FTO: variants seen among roughly 807,000 people sequenced by gnomAD.
FTO encodes alpha-ketoglutarate-dependent dioxygenase FTO.
In FTO, 47 loss-of-function variants were observed where a neutral mutation model predicts 63.9. That is an observed-to-expected ratio of 0.74 (90% confidence interval 0.58 to 0.94). The LOEUF (loss-of-function observed/expected upper bound fraction) is 0.94. Ranked by LOEUF, FTO falls within the 40% of genes least tolerant of loss-of-function variation. FTO has a pLI of 0.00. For synonymous variants in FTO, 207 were observed against 224.4 expected, an observed-to-expected ratio of 0.92 and a Z score of 0.69; for missense variants, 562 against 618.1, an observed-to-expected ratio of 0.91 and a Z score of 0.96.
chr16:53,974,055 T>C (rs929628626), intron 8 of FTO, among the ~76,000 whole-genome samples: 1 of 152,206 alleles, frequency 6.6e-6, no homozygotes, highest in Non-Finnish European at 1.5e-5. Flanking sequence ...TGTAGATTTA[T>C]GGGCCCTGCT....
intron 8 of FTO, among the ~76,000 whole-genome samples, chr16:54,031,575 A>G (rs2084833516): frequency 6.6e-6 from 1 of 152,168 alleles, no homozygotes; most frequent in Admixed American, 6.6e-5. Flanking sequence ...TGGGTCACAG[A>G]TCTGGGTGGC....
chr16:53,976,500 A>G (rs2083441153), intron 8 of FTO, among the ~76,000 whole-genome samples: 1 of 151,980 alleles, frequency 6.6e-6, no homozygotes, highest in African/African-American at 2.4e-5. Flanking sequence ...GTTTTTAGAT[A>G]TTATAGGGCC....
chr16:54,060,251 C>T (rs2085538374), intron 8 of FTO, among the ~76,000 whole-genome samples: 1 of 152,188 alleles, frequency 6.6e-6, no homozygotes, highest in South Asian at 2.1e-4. Context: ...TTTAACTCTC[C>T]TCTTTTCAAA....
intron 8 of FTO, among the ~76,000 whole-genome samples, chr16:53,996,763 G>A (rs1328109253): frequency 2.0e-5 from 3 of 152,062 alleles, no homozygotes; most frequent in Non-Finnish European, 4.4e-5. Context: ...TCTTCACATG[G>A]TGGCAGCAAG....
Position 53,844,284 on chromosome 16 carries a change from G to A in FTO, c.881G>A (p.Cys294Tyr), listed in dbSNP as rs1480708197. Residue 294 changes from cysteine (C) to tyrosine (Y), a missense_variant, in exon 4 of 9, where the codon TGC becomes TAC. Physicochemically the swap from Cys to Tyr is radical, Grantham distance 194. Coordinates refer to ENST00000471389, the MANE Select transcript of FTO (RefSeq NM_001080432.3). ...GLAIPLHQGD[C>Y]YFMLDDLNAT... is the part of the protein sequence containing the mutation. ...GCGATACCCCTTCACCAAGGAGACTGCTATTTCATGCTTGGTAATCTTTGG... is the reference window on the plus strand; with the variant it reads ...GCGATACCCCTTCACCAAGGAGACTACTATTTCATGCTTGGTAATCTTTGG... 2 of 1,612,734 alleles carry A rather than the reference G, an allele frequency of 1.2e-6. No individual in the cohort carries two copies. The highest frequency in any genetic ancestry group is 1.7e-6 in the Non-Finnish European group (2 of 1,178,964).
intron 7 of FTO, among the ~76,000 whole-genome samples, chr16:53,913,425 C>T (rs1256843368): frequency 6.6e-6 from 1 of 152,112 alleles, no homozygotes; most frequent in African/African-American, 2.4e-5. Flanking sequence ...AAGGAAAAAC[C>T]CTGGAGCATG....
At chr16:53,913,664 C>T (rs983021203) in intron 7 of FTO, among the ~76,000 whole-genome samples, 8 of 152,056 alleles carry the variant, frequency 5.3e-5, no homozygotes, top group Non-Finnish European at 8.8e-5. Context: ...CTGGGGTAGG[C>T]GGCCATGGTT....
Position 53,813,259 on chromosome 16 carries a change from T to C in FTO, c.123+3042T>C, listed in dbSNP as rs192154148. 3.3e-3 allele frequency among the ~76,000 whole-genome samples: 508 copies of C among 152,040 alleles called. 2 individuals carry two copies. The highest frequency in any genetic ancestry group is 0.012 in the African/African-American group (485 of 41,456). On this transcript the variant is annotated intron_variant, in intron 2 of 8. Transcript: ENST00000471389. ...CAGCATCTCACTCTGTTGCCCAGGC[T>C]GGAGTGCAGTGGTGCAATATCAGCT...
chr16:54,067,422 G>A (rs999944875), intron 8 of FTO, among the ~76,000 whole-genome samples: 1 of 152,268 alleles, frequency 6.6e-6, no homozygotes, highest in South Asian at 2.1e-4. Flanking sequence ...TAATTATAGC[G>A]ATTTCCTAAA....
At chr16:53,801,711 C>G (rs1220356465) in intron 1 of FTO, among the ~76,000 whole-genome samples, 1 of 148,612 alleles carries the variant, frequency 6.7e-6, no homozygotes, top group East Asian at 1.9e-4. Context: ...TGTCTTCTGT[C>G]TTCCGGCAAC....
chr16:53,881,605 T>C (rs1293963508), intron 6 of FTO, among the ~76,000 whole-genome samples: 2 of 152,218 alleles, frequency 1.3e-5, no homozygotes, highest in Non-Finnish European at 2.9e-5. Flanking sequence ...TTTTCACTGA[T>C]GAAATCAGTT....
chr16:53,705,987 G>A (rs1035651818), intron 1 of FTO, among the ~76,000 whole-genome samples: 1 of 152,180 alleles, frequency 6.6e-6, no homozygotes, highest in Non-Finnish European at 1.5e-5. Context: ...TTTAGAAACT[G>A]AGACTTGTAG....
At chr16:53,801,663 C>A (rs1270033962) in intron 1 of FTO, among the ~76,000 whole-genome samples, 1 of 150,276 alleles carries the variant, frequency 6.7e-6, no homozygotes, top group African/African-American at 2.4e-5. Context: ...ATATTTATTT[C>A]TCCTTTATTG....
In FTO at chr16:54,121,209, G is replaced by T. The variant is rs565125716; in HGVS notation, c.*9294G>T. On this transcript the variant is annotated 3_prime_UTR_variant, in exon 9 of 9. Transcript: ENST00000471389. ...TGACCCTTCATAGAAAAATTTTGCT[G>T]AACTGTAGTCTAGCTCCAAGGATTG... is the stretch of plus-strand genomic sequence containing the variant. 1 of 152,290 alleles carries T rather than the reference G, an allele frequency of 6.6e-6. No homozygotes were observed. Among genetic ancestry groups the T allele is most frequent in the South Asian group, 2.1e-4 (1 of 4,826 alleles). The allele number at this position is 152,290 out of a possible 1,614,324, so 9.4% of individuals were successfully genotyped here.
chr16:53,810,656 TA>T (rs2078495738), intron 2 of FTO, among the ~76,000 whole-genome samples: 1 of 152,196 alleles, frequency 6.6e-6, no homozygotes, highest in Non-Finnish European at 1.5e-5. Flanking sequence ...GTATTGCAAT[TA>T]CAGAATTCCG....
intron 4 of FTO, among the ~76,000 whole-genome samples, chr16:53,849,376 C>T (rs191644642): frequency 3.9e-5 from 6 of 152,148 alleles, no homozygotes; most frequent in East Asian, 3.8e-4. Flanking sequence ...ACCAGTGAGA[C>T]GACTGGGTGA....
At chr16:53,712,945 G>GTT (rs111905901) in intron 1 of FTO, among the ~76,000 whole-genome samples, 3 of 137,012 alleles carry the variant, frequency 2.2e-5, no homozygotes, top group Non-Finnish European at 3.2e-5. Context: ...TAGAGATCAT[G>GTT]TTTTTTTTTT....
chr16:53,768,756 G>A (rs1316116301), intron 1 of FTO, among the ~76,000 whole-genome samples: 1 of 152,076 alleles, frequency 6.6e-6, no homozygotes, highest in Non-Finnish European at 1.5e-5. Flanking sequence ...ATGATCTCAA[G>A]TGTCTTGTCC....
intron 7 of FTO, among the ~76,000 whole-genome samples, chr16:53,894,109 C>T (rs568645411): frequency 5.3e-4 from 81 of 152,216 alleles, no homozygotes; most frequent in African/African-American, 1.8e-3. Context: ...AATAATGTAA[C>T]CAGTTTCTTG....
Sources: gnomAD v4.1 joint callset for allele counts (sites outside exome capture counted in the v4.1 genomes callset) on GRCh38, gnomAD v4.1.1 for gene constraint, MANE v1.5 for transcripts, NCBI Gene and HGNC (gene_info 2026-07-23, HGNC 2026-07-21) for gene names.